Variants in LYPD6B observed in about 807,000 individuals in gnomAD.
The protein encoded by LYPD6B is ly6/PLAUR domain-containing protein 6B.
Under a neutral mutation model 22.8 loss-of-function variants are expected in LYPD6B, and 17 were observed. The observed-to-expected ratio is 0.75, with a 90% CI of 0.51 to 1.12. LYPD6B has a LOEUF of 1.12. LYPD6B is among the 50% of genes most tolerant of loss of function. LYPD6B has a pLI of 0.00. For missense variants in LYPD6B, 221 were observed against 258.3 expected, an observed-to-expected ratio of 0.86 and a Z score of 0.99; for synonymous variants, 106 against 91.6, an observed-to-expected ratio of 1.16 and a Z score of -0.90.
intron 2 of LYPD6B, among the ~76,000 whole-genome samples, chr2:149,142,794 A>G (rs1688770932): frequency 6.6e-6 from 1 of 152,164 alleles, no homozygotes; most frequent in Non-Finnish European, 1.5e-5. Context: ...GCATGCCACT[A>G]CGCCCGGTTT....
chr2:149,155,599 G>A (rs1459250569), intron 2 of LYPD6B, among the ~76,000 whole-genome samples: 1 of 152,226 alleles, frequency 6.6e-6, no homozygotes, highest in East Asian at 1.9e-4. Context: ...GGAGGCTGGT[G>A]AGCAAGACCA....
chr2:149,164,942 G>C (rs1267479669), intron 3 of LYPD6B, among the ~76,000 whole-genome samples: 2 of 152,188 alleles, frequency 1.3e-5, no homozygotes, highest in Non-Finnish European at 2.9e-5. Context: ...AACAACAGCT[G>C]TTTAATTTGC....
chr2:149,149,291 C>T (rs1227621677), intron 2 of LYPD6B, among the ~76,000 whole-genome samples: 4 of 152,036 alleles, frequency 2.6e-5, no homozygotes, highest in African/African-American at 4.8e-5. Flanking sequence ...AAACAGAGCC[C>T]GAACCAAGAA....
chr2:149,120,377 A>ATT lies in LYPD6B; in HGVS notation c.-66-10505_-66-10504insTT, dbSNP rs1343156188. On this transcript the variant is annotated intron_variant, in intron 1 of 6. Transcript: ENST00000409642. Reference sequence around the variant, plus strand: ...TGTGTGTGTGTATATATATATATATATATATATTTTTTTTTTTTTTTTTTT... The same window carrying ATT: ...TGTGTGTGTGTATATATATATATATATTTATATATTTTTTTTTTTTTTTTTTT... Among the ~76,000 whole-genome samples, 172 of 43,112 alleles carry ATT rather than the reference A, an allele frequency of 4.0e-3. 10 individuals are homozygous for ATT. Among genetic ancestry groups the ATT allele is most frequent in the African/African-American group, 0.011 (76 of 7,176 alleles). The allele number at this position is 43,112 out of a possible 152,430, so 28.3% of individuals were successfully genotyped here. A position where few individuals can be genotyped will look rare whatever the true frequency, so the allele number is the denominator to read the frequency against.
intron 2 of LYPD6B, 81 bp from the exon 3 acceptor site, chr2:149,160,683 G>C: frequency 9.9e-7 from 1 of 1,007,854 alleles, no homozygotes; most frequent in Non-Finnish European, 1.5e-6. Flanking sequence ...CCTGCCTTTT[G>C]TTAGAAAACA....
chr2:149,152,540 G>A (rs1559035783), intron 2 of LYPD6B, among the ~76,000 whole-genome samples: 2 of 152,196 alleles, frequency 1.3e-5, no homozygotes, highest in African/African-American at 2.4e-5. Flanking sequence ...CAGACGTAGG[G>A]CATCCTTAAT....
At chr2:149,044,699 G>A (rs1322843835) in intron 1 of LYPD6B, among the ~76,000 whole-genome samples, 1 of 151,990 alleles carries the variant, frequency 6.6e-6, no homozygotes, top group Non-Finnish European at 1.5e-5. Flanking sequence ...GGAGCAGGCA[G>A]CAATAAATCT....
Position 149,214,769 on chromosome 2 carries a change from T to C in LYPD6B, c.*59T>C. On this transcript the variant is annotated 3_prime_UTR_variant, in exon 7 of 7. Coordinates refer to ENST00000409642, the MANE Select transcript of LYPD6B (RefSeq NM_177964.5). Reference sequence around the variant, plus strand: ...TCTAAAGCACAAGCCAAAAACTGTGTGAACGGTGAACTTTGGAGTGAAGAT... The same window carrying C: ...TCTAAAGCACAAGCCAAAAACTGTGCGAACGGTGAACTTTGGAGTGAAGAT... The C allele has an allele frequency of 1.3e-6, 2 of 1,551,196 alleles. No individual in the cohort carries two copies. Among genetic ancestry groups the C allele is most frequent in the Non-Finnish European group, 1.8e-6 (2 of 1,124,802 alleles).
At chr2:149,176,718 G>A (rs1182464599) in intron 3 of LYPD6B, among the ~76,000 whole-genome samples, 1 of 152,102 alleles carries the variant, frequency 6.6e-6, no homozygotes, top group Non-Finnish European at 1.5e-5. Flanking sequence ...GGCTAAACAG[G>A]TGACTACAGG....
chr2:149,086,779 T>C (rs10207938), intron 1 of LYPD6B, among the ~76,000 whole-genome samples: 3,619 of 152,266 alleles, frequency 0.024, 134 homozygotes, highest in African/African-American at 0.082. Flanking sequence ...CGGTTTCCTC[T>C]GAGGGCTGTG....
intron 1 of LYPD6B, among the ~76,000 whole-genome samples, chr2:149,109,274 GT>G (rs1559002351): frequency 6.6e-6 from 1 of 152,008 alleles, no homozygotes; most frequent in East Asian, 1.9e-4. Context: ...TTTCACTTAG[GT>G]TTTTGAAATA....
Position 149,058,244 on chromosome 2 carries a change from G to T in LYPD6B, c.-67+19443G>T, listed in dbSNP as rs16826419. On this transcript the variant is annotated intron_variant, in intron 1 of 6. Transcript: ENST00000409642. The stretch of plus-strand genomic sequence containing the variant: ...TCAAGCCATCTCAGAGGTTGTCCTT[G>T]CACCAACAACTGGGGTTCCTGGCCC... 9.8e-3 allele frequency among the ~76,000 whole-genome samples: 1,490 copies of T among 152,242 alleles called. 37 individuals are homozygous for T. Among genetic ancestry groups the T allele is most frequent in the African/African-American group, 0.035 (1,441 of 41,542 alleles).
chr2:149,045,646 A>G (rs956884656), intron 1 of LYPD6B, among the ~76,000 whole-genome samples: 3 of 151,968 alleles, frequency 2.0e-5, no homozygotes. Context: ...CTACTTATTG[A>G]CCCGTATGTT....
rs181607550 is a variant in LYPD6B at position 149,176,437 on chromosome 2, G to A, written c.77+15602G>A. On this transcript the variant is annotated intron_variant, in intron 3 of 6. Transcript: ENST00000409642. ...TCAGGACAAGTTAAGTAAAATTTGA[G>A]CTGGGCCTTACAGAATAAGGAGTCG... Among the ~76,000 whole-genome samples the A allele has an allele frequency of 7.9e-5, 12 of 152,282 alleles. No homozygotes were observed. The East Asian group carries it at 2.3e-3, about 29-fold the overall frequency.
chr2:149,212,571 A>G (rs1250501734), intron 5 of LYPD6B, among the ~76,000 whole-genome samples: 2 of 152,100 alleles, frequency 1.3e-5, no homozygotes, highest in African/African-American at 4.8e-5. Flanking sequence ...CAACTGTATA[A>G]TGAAACAACT....
At chr2:149,120,755 A>C (rs1443348247) in intron 1 of LYPD6B, among the ~76,000 whole-genome samples, 2 of 147,982 alleles carry the variant, frequency 1.4e-5, no homozygotes, top group Non-Finnish European at 3.0e-5. Flanking sequence ...TTATTAATAT[A>C]AACATTTTTT....
At chr2:149,185,609 G>A (rs899436294) in intron 3 of LYPD6B, among the ~76,000 whole-genome samples, 1 of 152,190 alleles carries the variant, frequency 6.6e-6, no homozygotes, top group East Asian at 1.9e-4. Flanking sequence ...ATGACCACAC[G>A]TAAGTAGAAG....
At chr2:149,130,847 A>T in intron 1 of LYPD6B, 36 bp from the exon 2 acceptor site, 1 of 859,426 alleles carries the variant, frequency 1.2e-6, no homozygotes, top group Non-Finnish European at 2.0e-6. Flanking sequence ...CTATAATATC[A>T]GTCATAATGA....
chr2:149,120,413 C>G (rs1290516538), intron 1 of LYPD6B, among the ~76,000 whole-genome samples: 1 of 89,708 alleles, frequency 1.1e-5, no homozygotes, highest in Admixed American at 1.7e-4. Context: ...GAGATGGAGT[C>G]TTGCTATCTC....
Sources: allele counts gnomAD v4.1 joint callset (sites outside exome capture counted in the v4.1 genomes callset), GRCh38; gene constraint gnomAD v4.1.1; transcripts MANE v1.5; gene names NCBI Gene and HGNC (gene_info 2026-07-23, HGNC 2026-07-21).